NDST4: variants seen among roughly 807,000 people sequenced by gnomAD.
The protein encoded by NDST4 is N-deacetylase and N-sulfotransferase 4.
In NDST4, 63 loss-of-function variants were observed where a neutral mutation model predicts 100.8. The observed-to-expected ratio is 0.62, with a 90% CI of 0.51 to 0.77. NDST4 has a LOEUF of 0.77. NDST4 is among the 30% of genes least tolerant of loss of function. The probability of loss-of-function intolerance (pLI) is 0.00; values close to 1 mark genes in which losing one functional copy is unlikely to be tolerated. For synonymous variants in NDST4, 377 were observed against 361.8 expected (o/e 1.04, Z -0.48); for missense variants, 943 against 1,018.4 (o/e 0.93, Z 1.01).
chr4:114,926,448 C>A (rs1398727147), intron 6 of NDST4, among the ~76,000 whole-genome samples: 1 of 151,918 alleles, frequency 6.6e-6, no homozygotes, highest in African/African-American at 2.4e-5. Flanking sequence ...TTTATTCCAA[C>A]TCATATCTTC....
At chr4:114,857,726 G>T (rs1367097954) in intron 7 of NDST4, among the ~76,000 whole-genome samples, 1 of 152,132 alleles carries the variant, frequency 6.6e-6, no homozygotes, top group Non-Finnish European at 1.5e-5. Context: ...TGTTTGCTTT[G>T]TGGATAGACT....
intron 7 of NDST4, among the ~76,000 whole-genome samples, chr4:114,853,299 T>A (rs1368730267): frequency 1.3e-5 from 2 of 152,170 alleles, no homozygotes; most frequent in African/African-American, 4.8e-5. Context: ...TTTGGCCACA[T>A]CTTATAAGCT....
intron 3 of NDST4, among the ~76,000 whole-genome samples, chr4:114,974,658 T>C (rs1726589724): frequency 6.6e-6 from 1 of 152,130 alleles, no homozygotes; most frequent in Non-Finnish European, 1.5e-5. Flanking sequence ...CTCCGTGCTT[T>C]TATTTTTTTC....
intron 2 of NDST4, among the ~76,000 whole-genome samples, chr4:115,069,067 CAAGTT>C (rs1438910869): frequency 2.0e-5 from 3 of 151,840 alleles, no homozygotes; most frequent in Admixed American, 6.6e-5. Flanking sequence ...TGCAGGGACT[CAAGTT>C]AAAAAGAAAT....
chr4:114,987,529 A>G (rs1178100490), intron 2 of NDST4, among the ~76,000 whole-genome samples: 2 of 152,208 alleles, frequency 1.3e-5, no homozygotes, highest in Non-Finnish European at 2.9e-5. Flanking sequence ...TTCACTGTGT[A>G]GGAAGAGATA....
intron 11 of NDST4, among the ~76,000 whole-genome samples, chr4:114,837,316 TATGTTG>T (rs1195086597): frequency 6.6e-6 from 1 of 152,046 alleles, no homozygotes; most frequent in Admixed American, 6.6e-5. Flanking sequence ...GGGGGTACTT[TATGTTG>T]ATGTTGATGT....
chr4:115,097,716 T>G (rs1252699214), intron 1 of NDST4, among the ~76,000 whole-genome samples: 1 of 152,174 alleles, frequency 6.6e-6, no homozygotes, highest in African/African-American at 2.4e-5. Flanking sequence ...ATGTCTCTCC[T>G]CTGATCAACT....
chr4:114,834,399 A>C (rs1723266435), intron 11 of NDST4, among the ~76,000 whole-genome samples: 1 of 151,702 alleles, frequency 6.6e-6, no homozygotes, highest in South Asian at 2.1e-4. Context: ...CTGTAGTCCC[A>C]GCTACATGGG....
At position 114,953,813 on chromosome 4, in the gene NDST4, C is replaced by G. The variant is rs144794485; in HGVS notation, c.1222-16310G>C. Among the ~76,000 whole-genome samples the G allele has an allele frequency of 2.5e-3, 385 of 152,164 alleles. 1 individual carries two copies. The highest frequency in any genetic ancestry group is 8.9e-3 in the African/African-American group (371 of 41,526). ...TAAGAAATGTATGCATACTTAATAT[C>G]AACAGCAAAACTAATTAACAGACAT... On this transcript the variant is annotated intron_variant, in intron 4 of 13. Transcript: ENST00000264363.
At chr4:114,972,198 G>A (rs932071197) in intron 3 of NDST4, among the ~76,000 whole-genome samples, 1 of 151,976 alleles carries the variant, frequency 6.6e-6, no homozygotes, top group Non-Finnish European at 1.5e-5. Context: ...GTGAATAAAT[G>A]AATAATTTAA....
rs1206808798 is a variant in NDST4, at chr4:114,968,579, T to C, written c.1221+1851A>G. On this transcript the variant is annotated intron_variant, in intron 4 of 13. Transcript: ENST00000264363. The stretch of plus-strand genomic sequence containing the variant: ...CTTTCACAACCATTCAACTCCGCCA[T>C]TGCAATGTGAAAGCAGCTGCAGGCA... 2.0e-5 allele frequency among the ~76,000 whole-genome samples: 3 copies of C among 152,278 alleles called. No individual in the cohort carries two copies. The East Asian group carries it at 5.8e-4, about 29-fold the overall frequency.
chr4:115,056,813 G>A (rs541820840), intron 2 of NDST4, among the ~76,000 whole-genome samples: 1 of 152,156 alleles, frequency 6.6e-6, no homozygotes, highest in Admixed American at 6.5e-5. Context: ...ACCAATTGAT[G>A]TTCTTTTATG....
intron 10 of NDST4, among the ~76,000 whole-genome samples, chr4:114,844,842 T>G (rs1723509484): frequency 6.6e-6 from 1 of 152,222 alleles, no homozygotes; most frequent in African/African-American, 2.4e-5. Flanking sequence ...GTCCATCCTT[T>G]TGAAGTTTCC....
chr4:114,989,518 A>C (rs531357674), intron 2 of NDST4, among the ~76,000 whole-genome samples: 2 of 152,364 alleles, frequency 1.3e-5, no homozygotes, highest in South Asian at 4.1e-4. Flanking sequence ...TGACACAAAC[A>C]ATAAACAAAG....
chr4:114,870,887 C>T lies in NDST4; in HGVS notation c.1600G>A (p.Val534Met), dbSNP rs150765551. 185 of 1,613,164 alleles carry T rather than the reference C, an allele frequency of 1.1e-4. No homozygotes were observed. The highest frequency in any genetic ancestry group is 1.7e-4 in the Middle Eastern group (1 of 6,054). Reference sequence around the variant, plus strand: ...CTCTGCACAAAGTTGACCAAGTTCACAAAGGTATATAACCCTAGGCGGTCA... The same window carrying T: ...CTCTGCACAAAGTTGACCAAGTTCATAAAGGTATATAACCCTAGGCGGTCA... ...GNDRLGLYTF[V>M]NLVNFVQSWT... The change falls in exon 7 of 14, where the codon GTG becomes ATG. Residue 534 changes from valine to methionine, a missense_variant. Transcript: ENST00000264363.
intron 2 of NDST4, among the ~76,000 whole-genome samples, chr4:115,060,125 T>C (rs1322125841): frequency 1.3e-5 from 2 of 151,988 alleles, no homozygotes; most frequent in South Asian, 4.1e-4. Flanking sequence ...ATACAAATCA[T>C]TCAAGGGGAA....
intron 2 of NDST4, among the ~76,000 whole-genome samples, chr4:114,993,289 C>T (rs1287108093): frequency 2.6e-5 from 4 of 151,880 alleles, no homozygotes; most frequent in Non-Finnish European, 4.4e-5. Flanking sequence ...TAGGATTCAT[C>T]TATTTGGACA....
At chr4:114,868,454 T>C (rs868707350) in intron 7 of NDST4, among the ~76,000 whole-genome samples, 4 of 152,218 alleles carry the variant, frequency 2.6e-5, no homozygotes, top group South Asian at 2.1e-4. Context: ...TGCACTTTAT[T>C]GTTACTTCAC....
chr4:115,009,695 T>G (rs1404317600), intron 2 of NDST4, among the ~76,000 whole-genome samples: 1 of 119,492 alleles, frequency 8.4e-6, no homozygotes, highest in Non-Finnish European at 1.7e-5. Flanking sequence ...GGGATCTAAT[T>G]AAACTAAAGA....
Sources: allele counts gnomAD v4.1 joint callset (sites outside exome capture counted in the v4.1 genomes callset), GRCh38; gene constraint gnomAD v4.1.1; transcripts MANE v1.5; gene names NCBI Gene and HGNC (gene_info 2026-07-23, HGNC 2026-07-21).